Variants in FBXL17 observed in about 807,000 individuals in gnomAD.
FBXL17 encodes the protein F-box/LRR-repeat protein 17.
FBXL17 carries 22 observed loss-of-function variants against 66.2 expected under a neutral mutation model. That is an observed-to-expected ratio of 0.33 (90% CI 0.24 to 0.47). The LOEUF is 0.47. Among genes scored for constraint, FBXL17 ranks in the 20% least tolerant of loss-of-function variants. The pLI, the probability that FBXL17 is intolerant of heterozygous loss-of-function variation, is 1.00. For synonymous variants in FBXL17, 474 were observed against 400.5 expected, an observed-to-expected ratio of 1.18 and a Z score of -2.19; for missense variants, 878 against 948.2, an observed-to-expected ratio of 0.93 and a Z score of 0.97.
Position 108,365,009 on chromosome 5 carries a change from A to C in FBXL17, c.1117-14T>G. 6.3e-7 allele frequency: 1 copy of C among 1,575,428 alleles called. No individual in the cohort carries two copies. Among genetic ancestry groups the C allele is most frequent in the Non-Finnish European group, 8.6e-7 (1 of 1,160,952 alleles). On this transcript the variant is annotated splice_polypyrimidine_tract_variant and intron_variant, in intron 2 of 8. Transcript: ENST00000542267. ...TTCATCAGTGACCTGTAAGAGAAAAAGCAATAAATTTAAACTTTTGCTAAA... is the reference window on the plus strand; with the variant it reads ...TTCATCAGTGACCTGTAAGAGAAAACGCAATAAATTTAAACTTTTGCTAAA...
chr5:108,198,102 G>A (rs1753750554), intron 5 of FBXL17, among the ~76,000 whole-genome samples: 1 of 152,070 alleles, frequency 6.6e-6, no homozygotes, highest in African/African-American at 2.4e-5. Flanking sequence ...TCTCTAATAT[G>A]TGGAGAAACA....
At chr5:107,922,386 A>G (rs761058930) in intron 7 of FBXL17, among the ~76,000 whole-genome samples, 2 of 152,172 alleles carry the variant, frequency 1.3e-5, no homozygotes, top group Admixed American at 6.5e-5. Context: ...TCATTTTGGT[A>G]AAGATGATGT....
intron 5 of FBXL17, among the ~76,000 whole-genome samples, chr5:108,190,791 AT>A (rs1160896676): frequency 6.6e-6 from 1 of 152,088 alleles, no homozygotes; most frequent in Non-Finnish European, 1.5e-5. Flanking sequence ...AAAAATCACC[AT>A]TTTTTTAAAC....
At chr5:107,936,526 A>C (rs1248415159) in intron 7 of FBXL17, among the ~76,000 whole-genome samples, 1 of 132,982 alleles carries the variant, frequency 7.5e-6, no homozygotes, top group Non-Finnish European at 1.6e-5. Context: ...CCCTTGCACC[A>C]CCTTCTACCT....
At chr5:108,346,469 A>G (rs1747288513) in intron 4 of FBXL17, among the ~76,000 whole-genome samples, 1 of 152,142 alleles carries the variant, frequency 6.6e-6, no homozygotes, top group African/African-American at 2.4e-5. Context: ...TTGGGAAACC[A>G]TTGGCTAAAA....
At position 107,914,577 on chromosome 5, in the gene FBXL17, A is replaced by G. The variant is rs562131982; in HGVS notation, c.1823-33398T>C. 1.4e-4 allele frequency among the ~76,000 whole-genome samples: 22 copies of G among 152,326 alleles called. No homozygotes were observed. In the South Asian group the frequency reaches 4.6e-3, roughly 32 times the overall value. ...GGGTTAGGCCTTGATTGGCTAAAGC[A>G]CACTTGTGTATTCCATCCACTTGGC... On this transcript the variant is annotated intron_variant, in intron 7 of 8. Coordinates refer to ENST00000542267, the MANE Select transcript of FBXL17 (RefSeq NM_001163315.3).
intron 4 of FBXL17, among the ~76,000 whole-genome samples, chr5:108,323,612 T>C (rs1269816763): frequency 6.6e-6 from 1 of 152,014 alleles, no homozygotes; most frequent in Admixed American, 6.6e-5. Context: ...AAAACTCATA[T>C]GGAATCTAAG....
At chr5:108,039,363 C>T (rs1746963066) in intron 6 of FBXL17, among the ~76,000 whole-genome samples, 1 of 151,978 alleles carries the variant, frequency 6.6e-6, no homozygotes, top group South Asian at 2.1e-4. Context: ...AAGCTAGAGG[C>T]TGTTCCAAAA....
chr5:108,299,194 G>C (rs944270243), intron 4 of FBXL17: 1 of 984,612 alleles, frequency 1.0e-6, no homozygotes, highest in African/African-American at 1.7e-5. Context: ...TGGCAGAGTT[G>C]GACCTTTATA....
intron 4 of FBXL17, among the ~76,000 whole-genome samples, chr5:108,340,478 A>G (rs1430047467): frequency 6.6e-6 from 1 of 152,182 alleles, no homozygotes; most frequent in Non-Finnish European, 1.5e-5. Flanking sequence ...ATTAACAGTA[A>G]GAATGTACAA....
chr5:107,952,056 A>G (rs1751514869), intron 7 of FBXL17, among the ~76,000 whole-genome samples: 1 of 152,202 alleles, frequency 6.6e-6, no homozygotes, highest in Admixed American at 6.5e-5. Flanking sequence ...TAATTTCTGA[A>G]AATTTTGACT....
chr5:108,168,758 C>T (rs1009384975), intron 6 of FBXL17, among the ~76,000 whole-genome samples: 4 of 152,098 alleles, frequency 2.6e-5, no homozygotes, highest in Non-Finnish European at 5.9e-5. Context: ...CCCAAGAAAA[C>T]CAGTGTGGAT....
intron 7 of FBXL17, among the ~76,000 whole-genome samples, chr5:107,958,766 T>C (rs1167378443): frequency 6.6e-6 from 1 of 152,188 alleles, no homozygotes; most frequent in Non-Finnish European, 1.5e-5. Context: ...CCATTTTTCA[T>C]GTATTAGGCA....
chr5:108,086,454 G>A lies in FBXL17; in HGVS notation c.1746-65453C>T, dbSNP rs193283423. Among the ~76,000 whole-genome samples, 15 of 152,196 alleles carry A rather than the reference G, an allele frequency of 9.9e-5. No homozygotes were observed. In the East Asian group the frequency reaches 2.7e-3, roughly 27 times the overall value. On this transcript the variant is annotated intron_variant, in intron 6 of 8. Transcript: ENST00000542267. ...ATAGACAGTTTTCCCTGGGTTTGTG[G>A]GTCTTGATTTCTGAAGGCTCCATGT...
chr5:107,975,182 G>A (rs764012798), intron 7 of FBXL17, among the ~76,000 whole-genome samples: 3 of 152,076 alleles, frequency 2.0e-5, no homozygotes, highest in Non-Finnish European at 2.9e-5. Flanking sequence ...CTATAAATAT[G>A]CTCGGATATG....
chr5:107,959,100 T>C (rs1257522590), intron 7 of FBXL17, among the ~76,000 whole-genome samples: 2 of 152,028 alleles, frequency 1.3e-5, no homozygotes, highest in East Asian at 3.9e-4. Context: ...CCACACGCCA[T>C]GATATTTCTG....
chr5:108,219,394 G>A (rs777038050), intron 5 of FBXL17, among the ~76,000 whole-genome samples: 4 of 152,074 alleles, frequency 2.6e-5, no homozygotes, highest in Non-Finnish European at 4.4e-5. Flanking sequence ...TAGGCCTAAA[G>A]ATGTTCACTG....
At chr5:108,099,080 G>C (rs1323465789) in intron 6 of FBXL17, among the ~76,000 whole-genome samples, 1 of 152,072 alleles carries the variant, frequency 6.6e-6, no homozygotes, top group Admixed American at 6.6e-5. Context: ...CCATTGCCTA[G>C]AATACTAACA....
At position 108,367,852 on chromosome 5, in the gene FBXL17, C is replaced by T; in HGVS notation, c.1095G>A (p.Leu365=). The T allele has an allele frequency of 6.4e-7, 1 of 1,550,676 alleles. No individual in the cohort carries two copies. Among genetic ancestry groups the T allele is most frequent in the Non-Finnish European group, 8.7e-7 (1 of 1,146,428 alleles). ...LCLDFQFWKQ[L]DLSSRQQVTD... The stretch of plus-strand genomic sequence containing the variant: ...ATACCTGCTGACGACTACTAAGATC[C>T]AGCTGCTTCCAAAACTGGAAGTCTA... The change falls in exon 2 of 9, where the codon CTG becomes CTA. Residue 365 remains leucine, a synonymous_variant. Transcript: ENST00000542267.
Sources: allele counts gnomAD v4.1 joint callset (sites outside exome capture counted in the v4.1 genomes callset), GRCh38; gene constraint gnomAD v4.1.1; transcripts MANE v1.5; gene names NCBI Gene and HGNC (gene_info 2026-07-23, HGNC 2026-07-21).